The following ARHGAP24 variants were observed in gnomAD, a reference collection of about 807,000 sequenced individuals.
ARHGAP24 encodes rho GTPase-activating protein 24.
Under a neutral mutation model 76.4 loss-of-function variants are expected in ARHGAP24, and 50 were observed. The observed-to-expected ratio is 0.65, with a 90% CI of 0.52 to 0.83. ARHGAP24 has a LOEUF of 0.83. Among genes scored for constraint, ARHGAP24 ranks in the 40% least tolerant of loss-of-function variants. The probability of loss-of-function intolerance (pLI) is 0.00; values close to 1 mark genes in which losing one functional copy is unlikely to be tolerated. For synonymous variants in ARHGAP24, 345 were observed against 323.3 expected (o/e 1.07, Z -0.72); for missense variants, 930 against 914.2 (o/e 1.02, Z -0.22).
chr4:85,700,407 A>T (rs1724034966), intron 2 of ARHGAP24, among the ~76,000 whole-genome samples: 1 of 141,850 alleles, frequency 7.0e-6, no homozygotes, highest in African/African-American at 2.6e-5. Context: ...AAAAAAAAAA[A>T]TAAATAAATA....
intron 3 of ARHGAP24, among the ~76,000 whole-genome samples, chr4:85,733,368 C>T (rs1226253144): frequency 6.6e-6 from 1 of 152,024 alleles, no homozygotes; most frequent in African/African-American, 2.4e-5. Flanking sequence ...GGGCCCAGGC[C>T]TCACCAACTT....
At chr4:85,902,319 A>G (rs1011322018) in intron 3 of ARHGAP24, among the ~76,000 whole-genome samples, 4 of 152,214 alleles carry the variant, frequency 2.6e-5, no homozygotes, top group Admixed American at 1.3e-4. Context: ...GGCGCAGACT[A>G]ACAACTAGAG....
At chr4:85,635,724 T>A (rs1041906425) in intron 2 of ARHGAP24, among the ~76,000 whole-genome samples, 6 of 151,888 alleles carry the variant, frequency 4.0e-5, no homozygotes, top group Admixed American at 6.6e-5. Context: ...TATTTTATTT[T>A]AAAAAAATCT....
chr4:85,527,828 C>T lies in ARHGAP24; in HGVS notation c.-20-42694C>T, dbSNP rs111487625. Among the ~76,000 whole-genome samples, 1,471 of 152,094 alleles carry T rather than the reference C, an allele frequency of 9.7e-3. 13 individuals carry two copies. The highest frequency in any genetic ancestry group is 0.018 in the East Asian group (95 of 5,176). On this transcript the variant is annotated intron_variant, in intron 1 of 9. Transcript: ENST00000395184. ...GAAATTTCACCTCATGTGCAGAATC[C>T]TCTCATTTGATCCAAGAAGTAGGTA... is the stretch of plus-strand genomic sequence containing the variant.
intron 3 of ARHGAP24, among the ~76,000 whole-genome samples, chr4:85,831,083 A>G (rs1729973182): frequency 6.6e-6 from 1 of 152,212 alleles, no homozygotes; most frequent in African/African-American, 2.4e-5. Context: ...CCTGCTATTT[A>G]AACATTTAAG....
intron 3 of ARHGAP24, among the ~76,000 whole-genome samples, chr4:85,822,760 T>A (rs1481772077): frequency 6.6e-6 from 1 of 152,226 alleles, no homozygotes; most frequent in South Asian, 2.1e-4. Context: ...TTATACCATA[T>A]CTATTCTCTT....
intron 3 of ARHGAP24, among the ~76,000 whole-genome samples, chr4:85,910,644 G>A (rs577927221): frequency 3.3e-5 from 5 of 152,150 alleles, no homozygotes; most frequent in African/African-American, 1.2e-4. Context: ...GCAGCTGTTC[G>A]CCCTACAACT....
chr4:85,850,136 G>T (rs1026077937), intron 3 of ARHGAP24, among the ~76,000 whole-genome samples: 1 of 152,078 alleles, frequency 6.6e-6, no homozygotes, highest in Non-Finnish European at 1.5e-5. Flanking sequence ...ACCTGTTATT[G>T]GTCTATTCAG....
intron 3 of ARHGAP24, among the ~76,000 whole-genome samples, chr4:85,733,321 C>T (rs1725488127): frequency 6.6e-6 from 1 of 151,652 alleles, no homozygotes. Flanking sequence ...CCTCGGCCTC[C>T]CAAAGTGCTG....
chr4:85,932,725 T>A (rs902570916), intron 4 of ARHGAP24, among the ~76,000 whole-genome samples: 209 of 152,340 alleles, frequency 1.4e-3, no homozygotes, highest in African/African-American at 4.9e-3. Context: ...GAGTTTTTTT[T>A]ATTTACAAAG....
At chr4:85,932,664 C>T (rs1182766991) in intron 4 of ARHGAP24, among the ~76,000 whole-genome samples, 1 of 152,190 alleles carries the variant, frequency 6.6e-6, no homozygotes, top group African/African-American at 2.4e-5. Flanking sequence ...GTCCTTTTCT[C>T]TTCAAAGCCT....
intron 2 of ARHGAP24, among the ~76,000 whole-genome samples, chr4:85,704,847 AC>A (rs1265045407): frequency 6.6e-6 from 1 of 152,138 alleles, no homozygotes; most frequent in African/African-American, 2.4e-5. Flanking sequence ...TGTATAAGCA[AC>A]CAGATAGAAT....
chr4:85,888,592 T>C (rs1382839189), intron 3 of ARHGAP24, among the ~76,000 whole-genome samples: 1 of 152,134 alleles, frequency 6.6e-6, no homozygotes, highest in East Asian at 1.9e-4. Context: ...TTACACCATC[T>C]TGGACACCAA....
At chr4:85,487,103 TCTTA>T (rs1286313141) in intron 1 of ARHGAP24, among the ~76,000 whole-genome samples, 1 of 148,350 alleles carries the variant, frequency 6.7e-6, no homozygotes, top group Non-Finnish European at 1.5e-5. Context: ...CTTTCTTTCA[TCTTA>T]CTTCTTGCAT....
intron 3 of ARHGAP24, chr4:85,828,075 C>A: frequency 1.1e-6 from 1 of 885,762 alleles, no homozygotes; most frequent in Non-Finnish European, 1.6e-6. Flanking sequence ...ACCACAAATT[C>A]AGGACCTAGA....
At chr4:85,741,002 T>C (rs923044245) in intron 3 of ARHGAP24, among the ~76,000 whole-genome samples, 2 of 152,238 alleles carry the variant, frequency 1.3e-5, no homozygotes, top group African/African-American at 4.8e-5. Flanking sequence ...AATGCTATAA[T>C]TTAAGGACAT....
At chr4:86,000,449 A>ACCCC in intron 9 of ARHGAP24, 30 bp from the exon 10 acceptor site, 3 of 383,228 alleles carry the variant, frequency 7.8e-6, no homozygotes, top group African/African-American at 2.9e-5. Flanking sequence ...TTGCGTCCCC[A>ACCCC]CCCCCCACCC....
chr4:85,571,017 T>A, intron 2 of ARHGAP24: 1 of 291,504 alleles, frequency 3.4e-6, no homozygotes, highest in Non-Finnish European at 6.5e-6. Context: ...AGTAGACATC[T>A]GCTAAAAGAT....
At chr4:85,745,357 T>C (rs6847909) in intron 3 of ARHGAP24, among the ~76,000 whole-genome samples, 11,064 of 147,744 alleles carry the variant, frequency 0.075, 485 homozygotes, top group Middle Eastern at 0.1. Context: ...TATTATAGAG[T>C]ATATGTATTA....
Sources: allele counts gnomAD v4.1 joint callset (sites outside exome capture counted in the v4.1 genomes callset), GRCh38; gene constraint gnomAD v4.1.1; transcripts MANE v1.5; gene names NCBI Gene and HGNC (gene_info 2026-07-23, HGNC 2026-07-21).